Variants in DHRSX observed in about 807,000 individuals in gnomAD.
DHRSX encodes the protein polyprenol dehydrogenase.
Under a neutral mutation model 34.0 loss-of-function variants are expected in DHRSX, and 31 were observed. The observed-to-expected ratio is 0.91, with a 90% CI of 0.69 to 1.23. DHRSX has a LOEUF of 1.23. Ranked by LOEUF, DHRSX falls within the 50% of genes most tolerant of loss-of-function variation. The pLI, the probability that DHRSX is intolerant of heterozygous loss-of-function variation, is 0.00. For missense variants in DHRSX, 414 were observed against 428.1 expected (o/e 0.97, Z 0.29); for synonymous variants, 201 against 183.8 (o/e 1.09, Z -0.76).
chrX:2,474,277 G>A (rs1261192435), intron 1 of DHRSX, among the ~76,000 whole-genome samples: 2 of 150,918 alleles, frequency 1.3e-5, no homozygotes, highest in Middle Eastern at 3.5e-3. Flanking sequence ...AGGGACCATC[G>A]CCATGTACAC....
intron 1 of DHRSX, among the ~76,000 whole-genome samples, chrX:2,441,568 C>A (rs1424576648): frequency 6.6e-6 from 1 of 152,106 alleles, no homozygotes; most frequent in Non-Finnish European, 1.5e-5. Flanking sequence ...GCCAGATGCC[C>A]ATGGAGACAT....
chrX:2,240,105 C>A (rs993693629), intron 6 of DHRSX, among the ~76,000 whole-genome samples: 3 of 151,892 alleles, frequency 2.0e-5, no homozygotes, highest in Non-Finnish European at 4.4e-5. Context: ...CCAGCCTGGG[C>A]AACATAATGA....
chrX:2,264,602 C>T (rs2041415799), intron 5 of DHRSX, among the ~76,000 whole-genome samples: 1 of 151,078 alleles, frequency 6.6e-6, no homozygotes, highest in South Asian at 2.1e-4. Flanking sequence ...GAGCACTGTT[C>T]CCAGAGGACC....
chrX:2,442,062 A>G (rs55983105), intron 1 of DHRSX, among the ~76,000 whole-genome samples: 18,451 of 152,204 alleles, frequency 0.12, 1,436 homozygotes, highest in Non-Finnish European at 0.18. Flanking sequence ...TTTTGTATTT[A>G]TATATATTAT....
chrX:2,266,682 A>C, intron 5 of DHRSX, 58 bp downstream of exon 5: 2 of 1,527,702 alleles, frequency 1.3e-6, no homozygotes, highest in Non-Finnish European at 1.8e-6. Flanking sequence ...ACAGAGGGAG[A>C]TGAATAACCT....
At chrX:2,475,359 G>T (rs185362993) in intron 1 of DHRSX, among the ~76,000 whole-genome samples, 1 of 147,838 alleles carries the variant, frequency 6.8e-6, no homozygotes, top group East Asian at 2.0e-4. Flanking sequence ...AGGGAATGCC[G>T]ACATGTACAC....
chrX:2,283,994 T>C (rs1208421783), intron 4 of DHRSX, among the ~76,000 whole-genome samples: 2 of 143,848 alleles, frequency 1.4e-5, no homozygotes, highest in Non-Finnish European at 2.9e-5. Flanking sequence ...ACTCATTCCT[T>C]TGAATTCATT....
intron 1 of DHRSX, among the ~76,000 whole-genome samples, chrX:2,466,309 G>T (rs2044495557): frequency 6.6e-6 from 1 of 152,162 alleles, no homozygotes; most frequent in Non-Finnish European, 1.5e-5. Context: ...GTGGTGGTAT[G>T]CGCCTGTAAT....
intron 5 of DHRSX, among the ~76,000 whole-genome samples, chrX:2,254,611 G>A (rs2041250299): frequency 1.3e-5 from 2 of 152,004 alleles, no homozygotes; most frequent in South Asian, 4.1e-4. Context: ...CGCCTACCAG[G>A]AACTCAGAAA....
intron 3 of DHRSX, among the ~76,000 whole-genome samples, chrX:2,306,590 T>A (rs182383749): frequency 0.017 from 2,526 of 152,010 alleles, 90 homozygotes; most frequent in African/African-American, 0.057. Flanking sequence ...GTAGCTGGGA[T>A]TACAGACGCG....
intron 3 of DHRSX, among the ~76,000 whole-genome samples, chrX:2,347,777 TTTTG>T (rs374035144): frequency 6.3e-4 from 96 of 152,122 alleles, no homozygotes; most frequent in African/African-American, 2.1e-3. Flanking sequence ...TTTAATGCCT[TTTTG>T]TTTTTCAGTT....
chrX:2,465,612 G>A (rs1045606662), intron 1 of DHRSX, among the ~76,000 whole-genome samples: 43 of 151,402 alleles, frequency 2.8e-4, no homozygotes, highest in African/African-American at 9.3e-4. Context: ...AAACCAGCCT[G>A]CCCAACAGGT....
intron 3 of DHRSX, among the ~76,000 whole-genome samples, chrX:2,313,019 T>TTTTA (rs2042182404): frequency 6.6e-6 from 1 of 151,734 alleles, no homozygotes; most frequent in African/African-American, 2.4e-5. Flanking sequence ...TTTTTTTTTT[T>TTTTA]GAGATGGAGT....
Position 2,241,700 on chromosome X carries a change from A to G in DHRSX, c.804+1323T>C, listed in dbSNP as rs1040181693. On this transcript the variant is annotated intron_variant, in intron 6 of 6. Coordinates refer to ENST00000334651, the MANE Select transcript of DHRSX (RefSeq NM_145177.3). ...GAGGCGGGTGGATCACCTGAGGTCC[A>G]GAGTTCGTGACCAGCCTGGTCAGCG... Among the ~76,000 whole-genome samples, 15 of 152,220 alleles carry G rather than the reference A, an allele frequency of 9.9e-5. No individual in the cohort carries two copies. In the South Asian group the frequency reaches 2.1e-3, roughly 21 times the overall value.
At chrX:2,387,660 A>AACT (rs2043286928) in intron 3 of DHRSX, among the ~76,000 whole-genome samples, 1 of 151,992 alleles carries the variant, frequency 6.6e-6, no homozygotes, top group Non-Finnish European at 1.5e-5. Flanking sequence ...TCAAATGTTA[A>AACT]TGTCCTTTGG....
chrX:2,282,877 G>C (rs966223015), intron 4 of DHRSX, among the ~76,000 whole-genome samples: 10 of 144,832 alleles, frequency 6.9e-5, no homozygotes, highest in Admixed American at 1.4e-4. Flanking sequence ...GAGAGGGGGA[G>C]AGAGGGAGGG....
At chrX:2,322,042 T>A (rs866472825) in intron 3 of DHRSX, among the ~76,000 whole-genome samples, 9 of 152,248 alleles carry the variant, frequency 5.9e-5, no homozygotes, top group Non-Finnish European at 1.0e-4. Flanking sequence ...TCTTTAGTGG[T>A]GATCTGTGAG....
chrX:2,269,200 T>G (rs1480533618), intron 4 of DHRSX, among the ~76,000 whole-genome samples: 2 of 152,268 alleles, frequency 1.3e-5, no homozygotes, highest in African/African-American at 4.8e-5. Context: ...TATATCTGCA[T>G]GTGTACATAT....
In DHRSX at chrX:2,295,548, C is replaced by T. The variant is rs1024774359; in HGVS notation, c.287-3945G>A. ...ATGTAACAAACTTGCACGTTCTGTA[C>T]ATGTATCCAGAACTTAAAGTATAAT... On this transcript the variant is annotated intron_variant, in intron 3 of 6. Coordinates refer to ENST00000334651, the MANE Select transcript of DHRSX (RefSeq NM_145177.3). Among the ~76,000 whole-genome samples the T allele has an allele frequency of 1.9e-4, 29 of 152,084 alleles. 1 individual carries two copies. Among genetic ancestry groups the T allele is most frequent in the Admixed American group, 4.6e-4 (7 of 15,274 alleles).
Sources: allele counts gnomAD v4.1 joint callset (sites outside exome capture counted in the v4.1 genomes callset), GRCh38; gene constraint gnomAD v4.1.1; transcripts MANE v1.5; gene names NCBI Gene and HGNC (gene_info 2026-07-23, HGNC 2026-07-21).